Variants in NHSL1 observed in about 807,000 individuals in gnomAD.
The protein encoded by NHSL1 is NHS like 1, also known as NHS-like protein 1.
A neutral mutation model predicts 95.0 loss-of-function variants in NHSL1; 48 were observed. The observed-to-expected ratio is 0.51, with a 90% CI of 0.40 to 0.64. NHSL1 has a LOEUF of 0.64. NHSL1 is among the 30% of genes least tolerant of loss of function. NHSL1 has a pLI of 0.00. For synonymous variants in NHSL1, 783 were observed against 833.9 expected (o/e 0.94, Z 1.05); for missense variants, 1,971 against 2,077.7 (o/e 0.95, Z 1.00).
chr6:138,431,542 C>G lies in NHSL1; in HGVS notation c.2803G>C (p.Val935Leu). ...GSPPAPPPPP[V>L]PSPPFPCPAD... The stretch of plus-strand genomic sequence containing the variant: ...GGACAAGGGAATGGAGGAGAGGGAA[C>G]AGGAGGAGGAGGAGGAGCCGGGGGA... Residue 935 changes from valine to leucine, a missense_variant, in exon 6 of 8, where the codon GTT becomes CTT. Transcript: ENST00000343505. The surrounding 1 kb of genome is among the most constrained non-coding windows in gnomAD (Gnocchi z 4.0). 3.2e-6 allele frequency: 5 copies of G among 1,549,928 alleles called. No homozygotes were observed. Among genetic ancestry groups the G allele is most frequent in the Non-Finnish European group, 4.4e-6 (5 of 1,145,986 alleles).
intron 1 of NHSL1, among the ~76,000 whole-genome samples, chr6:138,510,844 TG>T (rs1390345700): frequency 1.3e-5 from 2 of 152,210 alleles, no homozygotes; most frequent in East Asian, 3.8e-4. Flanking sequence ...GGAGACATAT[TG>T]TTTAGTATCT....
intron 1 of NHSL1, among the ~76,000 whole-genome samples, chr6:138,532,843 A>G (rs1007659568): frequency 6.6e-5 from 10 of 152,198 alleles, no homozygotes; most frequent in Admixed American, 6.5e-5. Context: ...GTGTAATCTA[A>G]TAAGATCTCA....
intron 1 of NHSL1, among the ~76,000 whole-genome samples, chr6:138,593,973 G>C (rs1784267728): frequency 1.3e-5 from 2 of 152,188 alleles, no homozygotes; most frequent in South Asian, 4.1e-4. Flanking sequence ...AGGTATAGGA[G>C]CAAAAAGTAT....
chr6:138,496,436 T>C (rs1308583893), intron 1 of NHSL1, 65 bp from the exon 2 acceptor site: 1 of 1,495,500 alleles, frequency 6.7e-7, no homozygotes, highest in East Asian at 2.5e-5. Context: ...CATTACATCA[T>C]GATGTGTTTC....
rs922366715 is a variant in NHSL1 at position 138,432,199 on chromosome 6, T to G, written c.2146A>C (p.Ser716Arg). ...HSLQLSLPGK[S>R]GSSPSQSPCS... ...GGGCTCTGGGAGGGCGAGCTGCCAC[T>G]CTTGCCTGGGAGGCTCAGCTGCAGC... The change falls in exon 6 of 8, where the codon AGT becomes CGT. Residue 716 changes from serine to arginine, a missense_variant. This residue lies in a region of NHSL1 where 1,602 missense variants were observed against 1,654.5 expected (regional missense o/e 0.97). Coordinates refer to ENST00000343505, the MANE Select transcript of NHSL1 (RefSeq NM_001144060.2). This position sits in a 1 kb window ranked among gnomAD's most constrained non-coding sequence, Gnocchi z 4.4. 9 of 1,547,040 alleles carry G rather than the reference T, an allele frequency of 5.8e-6. No individual in the cohort carries two copies. The highest frequency in any genetic ancestry group is 7.9e-6 in the Non-Finnish European group (9 of 1,144,284).
At position 138,569,777 on chromosome 6, in the gene NHSL1, C is replaced by T. The variant is rs562654369; in HGVS notation, c.202+1933G>A. 3.9e-5 allele frequency among the ~76,000 whole-genome samples: 6 copies of T among 152,106 alleles called. No individual in the cohort carries two copies. The South Asian group carries it at 1.0e-3, about 26-fold the overall frequency. ...CCAATTTTCTTTTGTAAGTCAAATGCGAAAACAGAATATAATGCCATGAAT... is the reference window on the plus strand; with the variant it reads ...CCAATTTTCTTTTGTAAGTCAAATGTGAAAACAGAATATAATGCCATGAAT... On this transcript the variant is annotated intron_variant, in intron 1 of 6. Transcript: ENST00000427025.
intron 1 of NHSL1, among the ~76,000 whole-genome samples, chr6:138,591,304 C>A (rs1297974429): frequency 6.6e-6 from 1 of 152,196 alleles, no homozygotes; most frequent in African/African-American, 2.4e-5. Flanking sequence ...AGTCCCTCCC[C>A]TTTATCTGTA....
At chr6:138,564,842 A>G (rs918233472) in intron 1 of NHSL1, among the ~76,000 whole-genome samples, 13 of 152,206 alleles carry the variant, frequency 8.5e-5, no homozygotes, top group African/African-American at 3.1e-4. Context: ...AAGACTTCAC[A>G]GAGTTTTAAA....
At chr6:138,514,318 A>AAAACAAAC (rs59958557) in intron 1 of NHSL1, among the ~76,000 whole-genome samples, 2,427 of 149,794 alleles carry the variant, frequency 0.016, 69 homozygotes, top group African/African-American at 0.055. Context: ...ACTCCATCTC[A>AAAACAAAC]AAACAAACAA....
intron 1 of NHSL1, among the ~76,000 whole-genome samples, chr6:138,606,866 C>T (rs188687350): frequency 1.8e-3 from 268 of 152,128 alleles, no homozygotes; most frequent in Admixed American, 3.3e-3. Flanking sequence ...CCGCACCTGG[C>T]TAATTTTTTT....
chr6:138,524,962 C>G (rs1163407849), intron 1 of NHSL1, among the ~76,000 whole-genome samples: 1 of 152,004 alleles, frequency 6.6e-6, no homozygotes, highest in African/African-American at 2.4e-5. Context: ...GTAATAAAAG[C>G]TAAAGAAAAA....
intron 1 of NHSL1, among the ~76,000 whole-genome samples, chr6:138,619,054 T>G (rs1372679125): frequency 6.6e-6 from 1 of 152,108 alleles, no homozygotes; most frequent in East Asian, 1.9e-4. Context: ...ATGAAAAATG[T>G]TGGCCAGGTG....
intron 1 of NHSL1, among the ~76,000 whole-genome samples, chr6:138,688,676 C>G (rs942720014): frequency 6.6e-6 from 1 of 151,364 alleles, no homozygotes. Flanking sequence ...AAAATAGAAA[C>G]AGACTATTTG....
Position 138,432,056 on chromosome 6 carries a change from C to T in NHSL1, c.2289G>A (p.Thr763=), listed in dbSNP as rs376957802. 4.3e-5 allele frequency: 67 copies of T among 1,551,588 alleles called. No homozygotes were observed. The highest frequency in any genetic ancestry group is 1.7e-4 in the Middle Eastern group (1 of 6,014). ...CGCTGCTTGTGTCACTCTGCGATGGCGTGGCCCCGCACAGGGAGTAGACAT... is the reference window on the plus strand; with the variant it reads ...CGCTGCTTGTGTCACTCTGCGATGGTGTGGCCCCGCACAGGGAGTAGACAT... The part of the protein sequence containing the change: ...TPNVYSLCGA[T]PSQSDTSSVK... The change falls in exon 6 of 8, where the codon ACG becomes ACA. Residue 763 remains threonine (T), a synonymous_variant. Transcript: ENST00000343505. The surrounding 1 kb of genome is among the most constrained non-coding windows in gnomAD (Gnocchi z 4.4).
At chr6:138,531,658 C>T (rs528770675) in intron 1 of NHSL1, among the ~76,000 whole-genome samples, 1 of 152,202 alleles carries the variant, frequency 6.6e-6, no homozygotes, top group South Asian at 2.1e-4. Flanking sequence ...TGCCACCACA[C>T]CTGGCTAACT....
chr6:138,442,526 C>T (rs902245262), intron 4 of NHSL1, among the ~76,000 whole-genome samples: 2 of 152,106 alleles, frequency 1.3e-5, no homozygotes, highest in African/African-American at 4.8e-5. Flanking sequence ...TTGCAGAGAT[C>T]GAAATTAATG....
chr6:138,675,778 C>G (rs1054209553), intron 1 of NHSL1, among the ~76,000 whole-genome samples: 1 of 152,150 alleles, frequency 6.6e-6, no homozygotes, highest in Non-Finnish European at 1.5e-5. Flanking sequence ...AGGTGATTCA[C>G]CTGCTTTGGC....
At chr6:138,599,406 G>A (rs1440360248) in intron 1 of NHSL1, among the ~76,000 whole-genome samples, 1 of 152,064 alleles carries the variant, frequency 6.6e-6, no homozygotes, top group Non-Finnish European at 1.5e-5. Flanking sequence ...CAGCTACTTG[G>A]GAGGCTGAGG....
At chr6:138,644,733 A>G (rs970423946) in intron 1 of NHSL1, among the ~76,000 whole-genome samples, 1 of 151,898 alleles carries the variant, frequency 6.6e-6, no homozygotes, top group Admixed American at 6.6e-5. Flanking sequence ...TGAAGGAGAC[A>G]AACGATAAAT....
Sources: gnomAD v4.1 joint callset for allele counts (sites outside exome capture counted in the v4.1 genomes callset) on GRCh38, gnomAD v4.1.1 for gene constraint, gnomAD v4.1.1 regional missense constraint, Gnocchi (gnomAD v3.1) non-coding constraint, MANE v1.5 for transcripts, NCBI Gene and HGNC (gene_info 2026-07-23, HGNC 2026-07-21) for gene names.